The following NLRP9 variants were observed in gnomAD, a reference collection of about 807,000 sequenced individuals.
NLRP9 encodes the protein NLR family pyrin domain containing 9.
A neutral mutation model predicts 83.1 loss-of-function variants in NLRP9; 88 were observed. The observed-to-expected ratio is 1.06, with a 90% CI of 0.89 to 1.26. The LOEUF (loss-of-function observed/expected upper bound fraction) is 1.26. Ranked by LOEUF, NLRP9 falls within the 50% of genes most tolerant of loss-of-function variation. NLRP9 has a pLI of 0.00. For synonymous variants in NLRP9, 521 were observed against 447.6 expected (o/e 1.16, Z -2.07); for missense variants, 1,308 against 1,179.3 (o/e 1.11, Z -1.60).
In NLRP9 at chr19:55,715,099, C is replaced by G. The variant is rs376757627; in HGVS notation, c.2457G>C (p.Leu819=). The stretch of plus-strand genomic sequence containing the variant: ...AGCCTGGGTGCTTCAGCGCTGCACA[C>G]AGAGATGCCACTCCATTATCTTCCA... ...NALEDNGVAS[L]CAALKHPGCS... The change falls in exon 6 of 9, where the codon CTG becomes CTC. Residue 819 remains leucine (L), a synonymous_variant. Coordinates refer to ENST00000332836, the MANE Select transcript of NLRP9 (RefSeq NM_176820.4). 1 of 1,613,056 alleles carries G rather than the reference C, an allele frequency of 6.2e-7. No homozygotes were observed. Among genetic ancestry groups the G allele is most frequent in the Non-Finnish European group, 8.5e-7 (1 of 1,179,858 alleles).
chr19:55,734,637 A>T (rs74182559), intron 1 of NLRP9, among the ~76,000 whole-genome samples: 1,455 of 106,948 alleles, frequency 0.014, 19 homozygotes, highest in African/African-American at 0.028. Context: ...ATATATATAT[A>T]TTTTTTTTTT....
intron 3 of NLRP9, among the ~76,000 whole-genome samples, chr19:55,726,331 G>A (rs1458318259): frequency 6.6e-6 from 1 of 152,144 alleles, no homozygotes; most frequent in Non-Finnish European, 1.5e-5. Flanking sequence ...TAGAAGAGTT[G>A]ATTATGATAC....
rs867368943 is a variant in NLRP9 at position 55,738,278 on chromosome 19, G to A, written c.97C>T (p.Pro33Ser). 1.3e-4 allele frequency: 204 copies of A among 1,613,936 alleles called. 2 individuals are homozygous for A. In the Admixed American group the frequency reaches 3.3e-3, roughly 26 times the overall value. ...FWKFKELLKQPLEKFELKPIP... is the reference protein window; with the variant it reads ...FWKFKELLKQSLEKFELKPIP... ...GGCTTGAGTTCAAATTTCTCCAAAG[G>A]TTGTTTGAGGAGCTCCTTAAATTTC... is the stretch of plus-strand genomic sequence containing the variant. The change falls in exon 1 of 9, where the codon CCT becomes TCT. Residue 33 changes from proline to serine, a missense_variant. Coordinates refer to ENST00000332836, the MANE Select transcript of NLRP9 (RefSeq NM_176820.4).
chr19:55,734,534 T>TATAC (rs1555796274), intron 1 of NLRP9, among the ~76,000 whole-genome samples: 18,748 of 140,360 alleles, frequency 0.13, 2,061 homozygotes, highest in African/African-American at 0.29. Flanking sequence ...CACATATATA[T>TATAC]ATATATATAC....
Position 55,709,307 on chromosome 19 carries a change from A to G in NLRP9, c.2844-263T>C, listed in dbSNP as rs1600120799. The G allele has an allele frequency of 1.3e-5, 3 of 229,290 alleles. No individual in the cohort carries two copies. In the East Asian group the frequency reaches 2.9e-4, roughly 22 times the overall value. 14.2% of individuals were successfully genotyped at this position (229,290 alleles called of 1,614,324 possible). ...AAGATGAATTTAAGTTAAAAAGAAAAACACAGGATAACTTCCATTCATCTG... is the reference window on the plus strand; with the variant it reads ...AAGATGAATTTAAGTTAAAAAGAAAGACACAGGATAACTTCCATTCATCTG... On this transcript the variant is annotated intron_variant, in intron 8 of 8. Coordinates refer to ENST00000332836, the MANE Select transcript of NLRP9 (RefSeq NM_176820.4).
At chr19:55,725,842 C>A (rs1988384093) in intron 3 of NLRP9, among the ~76,000 whole-genome samples, 1 of 151,970 alleles carries the variant, frequency 6.6e-6, no homozygotes, top group African/African-American at 2.4e-5. Context: ...CCCTGGGCAA[C>A]ATGATGAAAC....
intron 3 of NLRP9, among the ~76,000 whole-genome samples, chr19:55,725,769 G>A (rs1044231343): frequency 3.3e-5 from 5 of 152,136 alleles, no homozygotes; most frequent in African/African-American, 1.2e-4. Flanking sequence ...GCTCCCGCCT[G>A]TAATCTCAGC....
chr19:55,736,663 G>A (rs1426950494), intron 1 of NLRP9, among the ~76,000 whole-genome samples: 1 of 151,018 alleles, frequency 6.6e-6, no homozygotes, highest in Non-Finnish European at 1.5e-5. Context: ...GTGATACCCC[G>A]TCTCTACTAA....
intron 4 of NLRP9, among the ~76,000 whole-genome samples, chr19:55,718,911 C>T (rs1988128001): frequency 6.6e-6 from 1 of 152,236 alleles, no homozygotes; most frequent in Admixed American, 6.5e-5. Context: ...CAGATCTCAT[C>T]CTGTGTGTCT....
intron 1 of NLRP9, among the ~76,000 whole-genome samples, chr19:55,733,969 C>A (rs960538613): frequency 1.5e-5 from 2 of 134,506 alleles, no homozygotes; most frequent in Non-Finnish European, 3.1e-5. Context: ...GTCGCCCAGG[C>A]TGGAGTGCAG....
intron 8 of NLRP9, chr19:55,711,427 GA>G: frequency 7.7e-7 from 1 of 1,298,186 alleles, no homozygotes; most frequent in Non-Finnish European, 1.0e-6. Context: ...GCCCATTCCA[GA>G]AGCCCTTCTG....
intron 1 of NLRP9, 58 bp downstream of exon 1, chr19:55,738,037 C>A: frequency 6.6e-7 from 1 of 1,507,146 alleles, no homozygotes; most frequent in Non-Finnish European, 9.2e-7. Context: ...TTTAACAATG[C>A]TATCACCTTG....
intron 5 of NLRP9, among the ~76,000 whole-genome samples, chr19:55,715,460 G>A (rs548802906): frequency 3.7e-4 from 57 of 152,254 alleles, no homozygotes; most frequent in Middle Eastern, 3.4e-3. Context: ...TGAGGCGGGC[G>A]GATCACCTGA....
intron 2 of NLRP9, among the ~76,000 whole-genome samples, chr19:55,731,308 G>C (rs1233645218): frequency 6.6e-6 from 1 of 150,626 alleles, no homozygotes; most frequent in Non-Finnish European, 1.5e-5. Context: ...GGGGGATACC[G>C]CACAAGCTAT....
At chr19:55,722,108 G>A (rs1355559932) in intron 4 of NLRP9, among the ~76,000 whole-genome samples, 2 of 151,964 alleles carry the variant, frequency 1.3e-5, no homozygotes, top group Non-Finnish European at 2.9e-5. Flanking sequence ...TTCCCCCATT[G>A]AGAACTACTG....
intron 8 of NLRP9, among the ~76,000 whole-genome samples, chr19:55,710,823 C>A (rs572336540): frequency 4.6e-5 from 7 of 152,162 alleles, no homozygotes; most frequent in Non-Finnish European, 7.3e-5. Flanking sequence ...TGGTGGCTCA[C>A]GCTTGTAATC....
At chr19:55,711,766 GTCAC>G in intron 8 of NLRP9, 30 bp downstream of exon 8, 1 of 1,602,504 alleles carries the variant, frequency 6.2e-7, no homozygotes. Flanking sequence ...TCGTTCTGAA[GTCAC>G]TCACCCCAAA....
rs2034004178 is a variant in NLRP9, at chr19:55,733,377, C to G, written c.454G>C (p.Gly152Arg). The G allele has an allele frequency of 6.2e-7, 1 of 1,614,162 alleles. No individual in the cohort carries two copies. The highest frequency in any genetic ancestry group is 8.5e-7 in the Non-Finnish European group (1 of 1,180,026). Reference protein sequence around the residue: ...AARRHTVVLEGPDGIGKTTLL... With the variant: ...AARRHTVVLERPDGIGKTTLL... ...GTTGTTTTTCCAATTCCATCAGGACCTTCCAGGACCACAGTGTGTCGTCTA... is the reference window on the plus strand; with the variant it reads ...GTTGTTTTTCCAATTCCATCAGGACGTTCCAGGACCACAGTGTGTCGTCTA... The change falls in exon 2 of 9, where the codon GGT (glycine) becomes CGT (arginine). Residue 152 changes from glycine (G) to arginine (R), a missense_variant. Physicochemically the swap from Gly to Arg is moderately radical, Grantham distance 125. Coordinates refer to ENST00000332836, the MANE Select transcript of NLRP9 (RefSeq NM_176820.4).
At chr19:55,718,451 C>T (rs1261324157) in intron 4 of NLRP9, among the ~76,000 whole-genome samples, 1 of 152,204 alleles carries the variant, frequency 6.6e-6, no homozygotes, top group Non-Finnish European at 1.5e-5. Flanking sequence ...TCATTCCATT[C>T]TGAGATAGGA....
Sources: allele counts gnomAD v4.1 joint callset (sites outside exome capture counted in the v4.1 genomes callset), GRCh38; gene constraint gnomAD v4.1.1; transcripts MANE v1.5; gene names NCBI Gene and HGNC (gene_info 2026-07-23, HGNC 2026-07-21).